The following PRKN variants were observed in gnomAD, a reference collection of about 807,000 sequenced individuals.
The protein encoded by PRKN is E3 ubiquitin-protein ligase parkin.
PRKN carries 56 observed loss-of-function variants against 59.5 expected under a neutral mutation model. The observed-to-expected ratio is 0.94, with a 90% CI of 0.76 to 1.18. The LOEUF (loss-of-function observed/expected upper bound fraction) is 1.18. PRKN is among the 50% of genes most tolerant of loss of function. The pLI, the probability that PRKN is intolerant of heterozygous loss-of-function variation, is 0.00. For synonymous variants in PRKN, 250 were observed against 222.1 expected (o/e 1.13, Z -1.12); for missense variants, 657 against 596.4 (o/e 1.10, Z -1.06).
intron 1 of PRKN, among the ~76,000 whole-genome samples, chr6:162,472,962 C>A (rs6930121): frequency 0.08 from 12,112 of 151,578 alleles, 1,410 homozygotes; most frequent in African/African-American, 0.26. Context: ...GGTGACTTGG[C>A]CATGGTTATT....
chr6:161,939,858 C>T (rs116729663), intron 6 of PRKN, among the ~76,000 whole-genome samples: 1,943 of 151,360 alleles, frequency 0.013, 44 homozygotes, highest in African/African-American at 0.043. Context: ...AATTAATAAA[C>T]AGTTTTCTTA....
chr6:161,676,296 T>C (rs567180550), intron 7 of PRKN, among the ~76,000 whole-genome samples: 1 of 152,312 alleles, frequency 6.6e-6, no homozygotes, highest in African/African-American at 2.4e-5. Context: ...CTACATTAAT[T>C]TGCATAATCT....
intron 1 of PRKN, among the ~76,000 whole-genome samples, chr6:162,662,515 G>GT (rs1474537267): frequency 2.6e-5 from 4 of 152,102 alleles, no homozygotes; most frequent in Non-Finnish European, 5.9e-5. Flanking sequence ...GTCCAGAAGA[G>GT]TTTTTCCCAG....
intron 8 of PRKN, among the ~76,000 whole-genome samples, chr6:161,555,251 C>T (rs1184490541): frequency 6.6e-6 from 1 of 152,000 alleles, no homozygotes; most frequent in Non-Finnish European, 1.5e-5. Context: ...TTCCTAATAA[C>T]TTGGTTCACC....
intron 2 of PRKN, among the ~76,000 whole-genome samples, chr6:162,351,303 A>G (rs1445199656): frequency 3.3e-5 from 5 of 152,248 alleles, no homozygotes; most frequent in Admixed American, 2.6e-4. Flanking sequence ...AAGAAGACAT[A>G]TAGATGGCAA....
chr6:161,671,668 G>A (rs1388388026), intron 7 of PRKN, among the ~76,000 whole-genome samples: 1 of 152,112 alleles, frequency 6.6e-6, no homozygotes, highest in Non-Finnish European at 1.5e-5. Flanking sequence ...CATAAAGCAA[G>A]CATGGTCCTT....
Position 161,405,036 on chromosome 6 carries a change from G to A in PRKN, c.1084-18159C>T, listed in dbSNP as rs943143060. On this transcript the variant is annotated intron_variant, in intron 9 of 11. Coordinates refer to ENST00000366898, the MANE Select transcript of PRKN (RefSeq NM_004562.3). The surrounding 1 kb of genome is among the most constrained non-coding windows in gnomAD (Gnocchi z 5.1). Reference sequence around the variant, plus strand: ...TGTTTTATATTTTCATTGAAGGCAGGAAGATAGACTAAATGATAACATTGC... The same window carrying A: ...TGTTTTATATTTTCATTGAAGGCAGAAAGATAGACTAAATGATAACATTGC... Among the ~76,000 whole-genome samples, 3 of 152,150 alleles carry A rather than the reference G, an allele frequency of 2.0e-5. No homozygotes were observed. The highest frequency in any genetic ancestry group is 4.4e-5 in the Non-Finnish European group (3 of 68,032).
chr6:161,973,320 A>C lies in PRKN; in HGVS notation c.716T>G (p.Ile239Ser), dbSNP rs768832012. The change falls in exon 6 of 12, where the codon ATT (isoleucine) becomes AGT (serine). Residue 239 changes from isoleucine to serine, a missense_variant. Transcript: ENST00000366898. ...IATNSRNITCITCTDVRSPVL... is the reference protein window; with the variant it reads ...IATNSRNITCSTCTDVRSPVL... ...TCCTTACCTGACGTCTGTGCACGTA[A>C]TGCAAGTGATGTTCCGACTATTTGT... 6.2e-7 allele frequency: 1 copy of C among 1,611,768 alleles called. No homozygotes were observed. Among genetic ancestry groups the C allele is most frequent in the Admixed American group, 1.7e-5 (1 of 60,010 alleles).
At chr6:162,692,378 A>T (rs1431782628) in intron 1 of PRKN, among the ~76,000 whole-genome samples, 1 of 152,136 alleles carries the variant, frequency 6.6e-6, no homozygotes, top group Non-Finnish European at 1.5e-5. Context: ...CTGCCTAGTA[A>T]GAGTTTGCTT....
At chr6:162,503,131 CA>C (rs1399739857) in intron 1 of PRKN, among the ~76,000 whole-genome samples, 7 of 95,742 alleles carry the variant, frequency 7.3e-5, no homozygotes, top group Non-Finnish European at 1.4e-4. Flanking sequence ...AAATAGTCTT[CA>C]TTTCTTTTTT....
chr6:162,619,757 G>A lies in PRKN; in HGVS notation c.7+107905C>T, dbSNP rs145105022. Among the ~76,000 whole-genome samples the A allele has an allele frequency of 5.1e-3, 779 of 151,990 alleles. 2 individuals are homozygous for A. The highest frequency in any genetic ancestry group is 7.3e-3 in the Non-Finnish European group (496 of 67,984). ...ACTACCGCAGATAGGCAAGCAGGCC[G>A]ACTGAAGCATGTTGAATAAATCATA... On this transcript the variant is annotated intron_variant, in intron 1 of 11. Transcript: ENST00000366898.
rs1789379012 is a variant in PRKN, at chr6:161,444,116, TG to T, written c.1084-57240del. Among the ~76,000 whole-genome samples the T allele has an allele frequency of 6.6e-6, 1 of 152,122 alleles. No homozygotes were observed. The highest frequency in any genetic ancestry group is 2.4e-5 in the African/African-American group (1 of 41,428). ...GCTCTGGAGCTTCTGGCTCCTGGAC[TG>T]GGGGACTGGGAATCGGCCAGGCCAG... On this transcript the variant is annotated intron_variant, in intron 9 of 11. Transcript: ENST00000366898. This position sits in a 1 kb window ranked among gnomAD's most constrained non-coding sequence, Gnocchi z 5.6.
At chr6:162,272,538 G>A (rs969165378) in intron 2 of PRKN, among the ~76,000 whole-genome samples, 2 of 152,010 alleles carry the variant, frequency 1.3e-5, no homozygotes, top group African/African-American at 2.4e-5. Context: ...AAGCTGACCC[G>A]GAAACTCAGG....
At chr6:161,886,755 A>T (rs1374825097) in intron 6 of PRKN, among the ~76,000 whole-genome samples, 1 of 140,196 alleles carries the variant, frequency 7.1e-6, no homozygotes, top group African/African-American at 2.6e-5. Context: ...ATAAAATAAA[A>T]AAAAATAAAA....
intron 1 of PRKN, among the ~76,000 whole-genome samples, chr6:162,699,584 T>C (rs1048161004): frequency 6.6e-6 from 1 of 152,344 alleles, no homozygotes; most frequent in Non-Finnish European, 1.5e-5. Flanking sequence ...AAATTTTTCA[T>C]TCAAACATCA....
At chr6:162,018,076 G>C (rs1327957370) in intron 5 of PRKN, among the ~76,000 whole-genome samples, 1 of 152,084 alleles carries the variant, frequency 6.6e-6, no homozygotes, top group African/African-American at 2.4e-5. Context: ...ACCCAGGCTG[G>C]AGTGCAGTGA....
chr6:162,023,161 A>AC (rs2128276548), intron 5 of PRKN, among the ~76,000 whole-genome samples: 1 of 150,310 alleles, frequency 6.7e-6, no homozygotes, highest in South Asian at 2.2e-4. Flanking sequence ...TGGGGCTCCC[A>AC]CCCCACAGCA....
intron 9 of PRKN, among the ~76,000 whole-genome samples, chr6:161,521,444 A>G (rs977432222): frequency 3.3e-5 from 5 of 152,226 alleles, no homozygotes; most frequent in Admixed American, 3.3e-4. Context: ...AGAAGAGTGC[A>G]TTAAAGATAC....
intron 4 of PRKN, among the ~76,000 whole-genome samples, chr6:162,119,538 C>T (rs1447112211): frequency 2.0e-5 from 3 of 152,116 alleles, no homozygotes; most frequent in African/African-American, 4.8e-5. Context: ...AGGGAACTTC[C>T]TTATTCCTGT....
Sources: allele counts gnomAD v4.1 joint callset (sites outside exome capture counted in the v4.1 genomes callset), GRCh38; gene constraint gnomAD v4.1.1; non-coding constraint Gnocchi (gnomAD v3.1); transcripts MANE v1.5; gene names NCBI Gene and HGNC (gene_info 2026-07-23, HGNC 2026-07-21).